ADAMTSL3: variants seen among roughly 807,000 people sequenced by gnomAD.
The protein encoded by ADAMTSL3 is ADAMTS like 3, also known as ADAMTS-like protein 3.
Under a neutral mutation model 201.7 loss-of-function variants are expected in ADAMTSL3, and 128 were observed. The observed-to-expected ratio is 0.63, with a 90% CI of 0.55 to 0.73. The LOEUF (loss-of-function observed/expected upper bound fraction) is 0.73. ADAMTSL3 is among the 30% of genes least tolerant of loss of function. ADAMTSL3 has a pLI of 0.00. For missense variants in ADAMTSL3, 1,990 were observed against 2,119.6 expected, an observed-to-expected ratio of 0.94 and a Z score of 1.20; for synonymous variants, 738 against 748.4, an observed-to-expected ratio of 0.99 and a Z score of 0.23.
At chr15:83,749,793 G>A (rs1271388666) in intron 3 of ADAMTSL3, among the ~76,000 whole-genome samples, 3 of 152,312 alleles carry the variant, frequency 2.0e-5, no homozygotes, top group East Asian at 1.9e-4. Context: ...GGTGGGTCTC[G>A]AAAAGAGTCC....
intron 17 of ADAMTSL3, among the ~76,000 whole-genome samples, chr15:83,932,409 A>C (rs1395015928): frequency 6.6e-6 from 1 of 152,212 alleles, no homozygotes; most frequent in East Asian, 1.9e-4. Flanking sequence ...AGTAACCTAC[A>C]CTTTTTGGCT....
At chr15:83,854,179 GTCAAGGC>G (rs1328503326) in intron 7 of ADAMTSL3, among the ~76,000 whole-genome samples, 3 of 151,910 alleles carry the variant, frequency 2.0e-5, no homozygotes, top group Non-Finnish European at 4.4e-5. Context: ...CCTTGAACTG[GTCAAGGC>G]TCACTCATTG....
At chr15:84,031,201 C>G in intron 27 of ADAMTSL3, 134 bp from the exon 28 acceptor site, 2 of 821,060 alleles carry the variant, frequency 2.4e-6, no homozygotes, top group Non-Finnish European at 4.0e-6. Flanking sequence ...TCCTCTTTAA[C>G]TCCCCCCTGG....
chr15:84,027,114 CA>C (rs773395594), intron 27 of ADAMTSL3, among the ~76,000 whole-genome samples: 3 of 152,042 alleles, frequency 2.0e-5, no homozygotes, highest in Non-Finnish European at 4.4e-5. Flanking sequence ...TGCAAATGGC[CA>C]ATAAGCACAC....
chr15:83,945,502 G>A (rs1387941404), intron 19 of ADAMTSL3, among the ~76,000 whole-genome samples: 2 of 152,218 alleles, frequency 1.3e-5, no homozygotes, highest in African/African-American at 4.8e-5. Flanking sequence ...AGGTCAGGCA[G>A]TGGGGGCTGG....
At chr15:83,737,042 T>C (rs562642597) in intron 3 of ADAMTSL3, among the ~76,000 whole-genome samples, 44 of 152,324 alleles carry the variant, frequency 2.9e-4, no homozygotes, top group African/African-American at 1.1e-3. Flanking sequence ...ATTACTATCC[T>C]TATGTAATGT....
At chr15:83,998,639 C>T (rs2067733577) in intron 23 of ADAMTSL3, among the ~76,000 whole-genome samples, 1 of 152,150 alleles carries the variant, frequency 6.6e-6, no homozygotes, top group African/African-American at 2.4e-5. Context: ...ATGGAAATGA[C>T]TCAGGTCTTG....
chr15:83,855,036 G>A (rs1172343266), intron 7 of ADAMTSL3, among the ~76,000 whole-genome samples: 6 of 152,232 alleles, frequency 3.9e-5, no homozygotes, highest in African/African-American at 1.4e-4. Context: ...TTGTGTGTGT[G>A]TGTGTCTGTG....
chr15:83,759,765 T>A (rs2062779473), intron 3 of ADAMTSL3, among the ~76,000 whole-genome samples: 1 of 152,048 alleles, frequency 6.6e-6, no homozygotes, highest in South Asian at 2.1e-4. Context: ...CTCAGAAGAG[T>A]TTGTCCTGCC....
rs771130819 is a variant in ADAMTSL3 at position 84,025,197 on chromosome 15, C to T, written c.4458-41C>T. ...ATGAGACGCCCCCTCTAAGATCTGG[C>T]ATACCAGTCCTTACTAAAGTCCTGT... is the stretch of plus-strand genomic sequence containing the variant. On this transcript the variant is annotated intron_variant, in intron 26 of 29. Coordinates refer to ENST00000286744, the MANE Select transcript of ADAMTSL3 (RefSeq NM_207517.3). The T allele has an allele frequency of 5.3e-6, 8 of 1,513,996 alleles. No homozygotes were observed. The East Asian group carries it at 1.8e-4, about 34-fold the overall frequency. 93.8% of individuals were successfully genotyped at this position (1,513,996 alleles called of 1,614,324 possible). A position where few individuals can be genotyped will look rare whatever the true frequency, so the allele number is the denominator to read the frequency against.
chr15:83,912,083 A>G (rs1319053871), intron 15 of ADAMTSL3, among the ~76,000 whole-genome samples: 2 of 152,190 alleles, frequency 1.3e-5, no homozygotes, highest in Admixed American at 6.5e-5. Context: ...TCACTTATTA[A>G]TATCTCAAGA....
intron 26 of ADAMTSL3, among the ~76,000 whole-genome samples, chr15:84,023,381 T>C (rs1385116207): frequency 6.6e-6 from 1 of 152,238 alleles, no homozygotes; most frequent in African/African-American, 2.4e-5. Context: ...CTTGGGCAGA[T>C]GTCCACACTA....
intron 2 of ADAMTSL3, among the ~76,000 whole-genome samples, chr15:83,664,357 C>T (rs944889690): frequency 3.9e-5 from 6 of 151,926 alleles, no homozygotes; most frequent in Non-Finnish European, 7.4e-5. Flanking sequence ...CTTCAATGAG[C>T]TGCAGACCAA....
At chr15:83,924,225 A>C (rs1352334970) in intron 17 of ADAMTSL3, among the ~76,000 whole-genome samples, 192 bp downstream of exon 17, 1 of 152,232 alleles carries the variant, frequency 6.6e-6, no homozygotes, top group Non-Finnish European at 1.5e-5. Flanking sequence ...GCCATGTTGC[A>C]CAGGAATGCT....
At chr15:83,677,484 T>G (rs2061422623) in intron 2 of ADAMTSL3, among the ~76,000 whole-genome samples, 1 of 152,184 alleles carries the variant, frequency 6.6e-6, no homozygotes, top group African/African-American at 2.4e-5. Context: ...TTAGAATTCC[T>G]ATGTCTTCTT....
At position 83,807,178 on chromosome 15, in the gene ADAMTSL3, G is replaced by A. The variant is rs138611200; in HGVS notation, c.363+2483G>A. On this transcript the variant is annotated intron_variant, in intron 5 of 29. Transcript: ENST00000286744. ...TAAAAATTATAAAGCATTAATGGCC[G>A]GGCATGGTGGCTCACGCCTGTAATC... Among the ~76,000 whole-genome samples, 857 of 152,254 alleles carry A rather than the reference G, an allele frequency of 5.6e-3. 11 individuals are homozygous for A. The highest frequency in any genetic ancestry group is 0.019 in the African/African-American group (803 of 41,528).
intron 9 of ADAMTSL3, among the ~76,000 whole-genome samples, chr15:83,876,134 G>C (rs2065173383): frequency 1.3e-5 from 2 of 151,966 alleles, no homozygotes; most frequent in Non-Finnish European, 2.9e-5. Flanking sequence ...TTCAAACTTA[G>C]CTCTTCAAAT....
At chr15:83,844,886 C>T (rs749616361) in intron 7 of ADAMTSL3, among the ~76,000 whole-genome samples, 10 of 152,226 alleles carry the variant, frequency 6.6e-5, no homozygotes, top group Non-Finnish European at 1.2e-4. Context: ...TCACCTTACA[C>T]CTATGATGAA....
chr15:83,750,743 G>T (rs1255040017), intron 3 of ADAMTSL3, among the ~76,000 whole-genome samples: 3 of 152,044 alleles, frequency 2.0e-5, no homozygotes, highest in Admixed American at 6.6e-5. Flanking sequence ...GTAGAGACGG[G>T]GTTTCACCAT....
Sources: allele counts gnomAD v4.1 joint callset (sites outside exome capture counted in the v4.1 genomes callset), GRCh38; gene constraint gnomAD v4.1.1; transcripts MANE v1.5; gene names NCBI Gene and HGNC (gene_info 2026-07-23, HGNC 2026-07-21).